Variants in ARMC9 observed in about 807,000 individuals in gnomAD.
ARMC9 encodes armadillo repeat containing 9.
A neutral mutation model predicts 107.0 loss-of-function variants in ARMC9; 94 were observed. The observed-to-expected ratio is 0.88, with a 90% confidence interval of 0.74 to 1.04. The LOEUF (loss-of-function observed/expected upper bound fraction) is 1.04. Among genes scored for constraint, ARMC9 ranks in the 50% least tolerant of loss-of-function variants. ARMC9 has a pLI of 0.00. For missense variants in ARMC9, 942 were observed against 1,030.1 expected (o/e 0.91, Z 1.17); for synonymous variants, 380 against 396.9 (o/e 0.96, Z 0.51).
intron 19 of ARMC9, among the ~76,000 whole-genome samples, chr2:231,314,983 A>C (rs2042579897): frequency 6.6e-6 from 1 of 152,036 alleles, no homozygotes. Flanking sequence ...TGCGGTGGCC[A>C]TAATCCCAGC....
chr2:231,322,197 C>G (rs1482493218), intron 19 of ARMC9, among the ~76,000 whole-genome samples: 1 of 152,248 alleles, frequency 6.6e-6, no homozygotes, highest in African/African-American at 2.4e-5. Flanking sequence ...GGACGTGCTT[C>G]CATCTGCAGT....
rs536389823 is a variant in ARMC9, at chr2:231,240,981, C to T, written c.879+940C>T. On this transcript the variant is annotated intron_variant, in intron 9 of 24. Transcript: ENST00000611582. ...TTGGGAGGCCAAGGCGGGTGGATCA[C>T]GAGGTCAGGAGTTCCAGACCAGCCT... 1.2e-4 allele frequency among the ~76,000 whole-genome samples: 18 copies of T among 152,216 alleles called. No homozygotes were observed. In the South Asian group the frequency reaches 3.3e-3, roughly 28 times the overall value.
intron 17 of ARMC9, chr2:231,288,820 C>A: frequency 2.4e-6 from 1 of 415,362 alleles, no homozygotes. Context: ...TCACTCCAGA[C>A]TTGGGACTTT....
rs1242382228 is a variant in ARMC9 at position 231,315,683 on chromosome 2, C to T, written c.1774-16110C>T. On this transcript the variant is annotated intron_variant, in intron 19 of 24. Transcript: ENST00000611582. ...TAGCTTTATAGTAGGTTTCAAAACA[C>T]GAGTTCTTCAACTTTGTTTTCTTTT... Among the ~76,000 whole-genome samples, 3 of 152,086 alleles carry T rather than the reference C, an allele frequency of 2.0e-5. No individual in the cohort carries two copies. In the East Asian group the frequency reaches 5.8e-4, roughly 29 times the overall value.
At chr2:231,270,951 C>T in intron 12 of ARMC9, 31 bp from the exon 13 acceptor site, 1 of 1,602,862 alleles carries the variant, frequency 6.2e-7, no homozygotes, top group Non-Finnish European at 8.5e-7. Context: ...GTGTTCTTAA[C>T]CTTGTTTTTC....
At chr2:231,311,770 C>CAAA (rs56713732) in intron 19 of ARMC9, among the ~76,000 whole-genome samples, 2 of 60,642 alleles carry the variant, frequency 3.3e-5, no homozygotes, top group African/African-American at 1.5e-4. Context: ...ACTCCATCGC[C>CAAA]AAAAAAAAAA....
At chr2:231,349,315 A>G (rs1156383453) in intron 21 of ARMC9, among the ~76,000 whole-genome samples, 1 of 152,200 alleles carries the variant, frequency 6.6e-6, no homozygotes. Flanking sequence ...TGCTACATGA[A>G]ATAAGCCAGG....
At chr2:231,346,654 C>G (rs1290276268) in intron 21 of ARMC9, among the ~76,000 whole-genome samples, 1 of 152,156 alleles carries the variant, frequency 6.6e-6, no homozygotes, top group Non-Finnish European at 1.5e-5. Flanking sequence ...GCTGAACTAT[C>G]TGAGAGAAGA....
At chr2:231,257,445 G>A (rs961471532) in intron 10 of ARMC9, among the ~76,000 whole-genome samples, 5 of 152,250 alleles carry the variant, frequency 3.3e-5, no homozygotes, top group South Asian at 4.2e-4. Flanking sequence ...CCAGCTTTGC[G>A]GGAGAGGAGG....
chr2:231,341,462 C>T (rs1408001073), intron 20 of ARMC9, among the ~76,000 whole-genome samples: 2 of 152,268 alleles, frequency 1.3e-5, no homozygotes, highest in African/African-American at 2.4e-5. Flanking sequence ...CCTAGCTGCA[C>T]GGGAGTCTGG....
chr2:231,207,667 G>T (rs1386550553), intron 2 of ARMC9, among the ~76,000 whole-genome samples: 3 of 152,050 alleles, frequency 2.0e-5, no homozygotes, highest in Non-Finnish European at 2.9e-5. Context: ...GTAGAGACGG[G>T]GTTTCACCTT....
At chr2:231,245,454 G>A (rs974196986) in intron 9 of ARMC9, among the ~76,000 whole-genome samples, 1 of 152,228 alleles carries the variant, frequency 6.6e-6, no homozygotes, top group Admixed American at 6.5e-5. Context: ...TCTATTGAAA[G>A]TCAGCCCTGG....
intron 23 of ARMC9, among the ~76,000 whole-genome samples, chr2:231,364,433 T>C (rs1177572655): frequency 1.3e-5 from 2 of 152,232 alleles, no homozygotes; most frequent in African/African-American, 4.8e-5. Context: ...ATTGTACATA[T>C]GTCTACATGT....
chr2:231,266,369 C>T (rs2038861554), intron 12 of ARMC9, among the ~76,000 whole-genome samples: 1 of 152,158 alleles, frequency 6.6e-6, no homozygotes, highest in Non-Finnish European at 1.5e-5. Flanking sequence ...TTGAATGGAG[C>T]CAAATTTAAT....
In ARMC9 at chr2:231,372,068, T is replaced by TA. The variant is rs1341258334; in HGVS notation, c.*537dup. The TA allele has an allele frequency of 1.3e-5, 2 of 152,828 alleles. No individual in the cohort carries two copies. The highest frequency in any genetic ancestry group is 4.8e-5 in the African/African-American group (2 of 41,492). The allele number at this position is 152,828 out of a possible 1,614,324, so 9.5% of individuals were successfully genotyped here. A position where few individuals can be genotyped will look rare whatever the true frequency, so the allele number is the denominator to read the frequency against. Reference sequence around the variant, plus strand: ...CAAAGTTGGTGTTTTCTTCCTGTGTTAAAATCTGAGAAAGAAGGCCAGGTG... The same window carrying TA: ...CAAAGTTGGTGTTTTCTTCCTGTGTTAAAAATCTGAGAAAGAAGGCCAGGTG... On this transcript the variant is annotated 3_prime_UTR_variant, in exon 25 of 25. Transcript: ENST00000611582.
rs1465388566 is a variant in ARMC9 at position 231,355,947 on chromosome 2, G to A, written c.2131+13G>A. On this transcript the variant is annotated intron_variant, in intron 22 of 24. Transcript: ENST00000611582. ...GTCTCCTCTTCATGTAAGAATGTGG[G>A]CAGCACACTGGGTCAGTTCTGGGAT... 4 of 1,532,926 alleles carry A rather than the reference G, an allele frequency of 2.6e-6. No individual in the cohort carries two copies. The highest frequency in any genetic ancestry group is 3.5e-6 in the Non-Finnish European group (4 of 1,144,510). 95.0% of individuals were successfully genotyped at this position (1,532,926 alleles called of 1,614,324 possible). A position where few individuals can be genotyped will look rare whatever the true frequency, so the allele number is the denominator to read the frequency against.
At chr2:231,203,885 C>A (rs778735124) in intron 1 of ARMC9, among the ~76,000 whole-genome samples, 48 of 151,830 alleles carry the variant, frequency 3.2e-4, no homozygotes, top group Non-Finnish European at 6.8e-4. Context: ...GCTGGAACCC[C>A]GGAGGTGGAG....
At chr2:231,357,029 T>C (rs2045370476) in intron 22 of ARMC9, among the ~76,000 whole-genome samples, 1 of 152,148 alleles carries the variant, frequency 6.6e-6, no homozygotes, top group African/African-American at 2.4e-5. Flanking sequence ...TGATTGGACG[T>C]GCCTTTGGGA....
intron 12 of ARMC9, among the ~76,000 whole-genome samples, chr2:231,265,997 A>G (rs1367406841): frequency 8.2e-6 from 1 of 121,940 alleles, no homozygotes; most frequent in African/African-American, 3.4e-5. Flanking sequence ...GACGCCATCT[A>G]AAAAAAAAAA....
Sources: gnomAD v4.1 joint callset for allele counts (sites outside exome capture counted in the v4.1 genomes callset) on GRCh38, gnomAD v4.1.1 for gene constraint, MANE v1.5 for transcripts, NCBI Gene and HGNC (gene_info 2026-07-23, HGNC 2026-07-21) for gene names.